PTPRN2: variants seen among roughly 807,000 people sequenced by gnomAD.
The protein encoded by PTPRN2 is protein tyrosine phosphatase receptor type N2, also known as receptor-type tyrosine-protein phosphatase N2.
Under a neutral mutation model 118.8 loss-of-function variants are expected in PTPRN2, and 74 were observed. The observed-to-expected ratio is 0.62, with a 90% CI of 0.52 to 0.76. PTPRN2 has a LOEUF of 0.76. PTPRN2 is among the 30% of genes least tolerant of loss of function. The pLI, the probability that PTPRN2 is intolerant of heterozygous loss-of-function variation, is 0.00. For missense variants in PTPRN2, 1,481 were observed against 1,394.4 expected, an observed-to-expected ratio of 1.06 and a Z score of -0.99; for synonymous variants, 641 against 608.0, an observed-to-expected ratio of 1.05 and a Z score of -0.80.
chr7:158,100,474 C>T (rs1257462421), intron 10 of PTPRN2, among the ~76,000 whole-genome samples: 2 of 152,316 alleles, frequency 1.3e-5, no homozygotes, highest in East Asian at 3.9e-4. Flanking sequence ...AAGGAATCTC[C>T]ACACTGTTTT....
intron 2 of PTPRN2, among the ~76,000 whole-genome samples, chr7:158,384,064 CCT>C (rs1811153088): frequency 6.6e-6 from 1 of 152,182 alleles, no homozygotes; most frequent in African/African-American, 2.4e-5. Context: ...TCCCGCGCAT[CCT>C]CTGTCTCATC....
chr7:158,344,067 G>C (rs990814985), intron 2 of PTPRN2, among the ~76,000 whole-genome samples: 1 of 152,090 alleles, frequency 6.6e-6, no homozygotes, highest in African/African-American at 2.4e-5. Context: ...ACCCCCATAC[G>C]AGAGTGTCAG....
At chr7:157,563,350 C>T (rs559090571) in intron 21 of PTPRN2, among the ~76,000 whole-genome samples, 7 of 83,834 alleles carry the variant, frequency 8.3e-5, no homozygotes, top group East Asian at 4.1e-4. Flanking sequence ...ATCAGGACCA[C>T]GTGCTCCCAC....
At chr7:158,520,865 C>A (rs545469903) in intron 1 of PTPRN2, among the ~76,000 whole-genome samples, 2 of 152,208 alleles carry the variant, frequency 1.3e-5, no homozygotes. Flanking sequence ...AGCCTCTTCA[C>A]TCTCATGAGG....
intron 9 of PTPRN2, among the ~76,000 whole-genome samples, chr7:158,126,459 C>A (rs563852213): frequency 2.6e-5 from 1 of 38,378 alleles, no homozygotes. Flanking sequence ...GGACAGCGGG[C>A]GGCGGAACTT....
At chr7:158,071,462 G>T (rs562847626) in intron 11 of PTPRN2, among the ~76,000 whole-genome samples, 1 of 136,998 alleles carries the variant, frequency 7.3e-6, no homozygotes, top group African/African-American at 2.9e-5. Context: ...TGGTTGAGGT[G>T]CTCGTGGTGG....
chr7:158,371,967 G>C (rs1424057003), intron 2 of PTPRN2, among the ~76,000 whole-genome samples: 1 of 152,204 alleles, frequency 6.6e-6, no homozygotes, highest in Non-Finnish European at 1.5e-5. Context: ...CGTGGCCCCG[G>C]GGATGAGGTT....
At chr7:157,682,380 T>C (rs1458663500) in intron 13 of PTPRN2, among the ~76,000 whole-genome samples, 1 of 152,206 alleles carries the variant, frequency 6.6e-6, no homozygotes, top group East Asian at 1.9e-4. Flanking sequence ...ACACGCCAAA[T>C]GATCTCGCAA....
At chr7:157,545,173 A>G (rs1798234486) in intron 22 of PTPRN2, among the ~76,000 whole-genome samples, 1 of 120,428 alleles carries the variant, frequency 8.3e-6, no homozygotes, top group Non-Finnish European at 1.7e-5. Context: ...TGTGTGGCTG[A>G]GTGGTGTTTG....
At chr7:158,208,262 C>G (rs1827315922) in intron 3 of PTPRN2, among the ~76,000 whole-genome samples, 1 of 152,028 alleles carries the variant, frequency 6.6e-6, no homozygotes, top group Non-Finnish European at 1.5e-5. Context: ...ACTTCTCGAA[C>G]CTAGAGAAAG....
intron 2 of PTPRN2, among the ~76,000 whole-genome samples, chr7:158,437,842 T>C (rs1816673588): frequency 6.6e-6 from 1 of 152,250 alleles, no homozygotes; most frequent in Non-Finnish European, 1.5e-5. Flanking sequence ...TGATTGCCTC[T>C]GTACCTACTT....
chr7:158,587,782 C>G lies in PTPRN2; in HGVS notation c.-113G>C, dbSNP rs866486994. On this transcript the variant is annotated 5_prime_UTR_variant, in exon 1 of 23. Transcript: ENST00000389418. ...CGCCGGCTCCTCCCGCCGCGCCTCT[C>G]GCGCTCTTGCGGCGACGCCGGGCCG... The G allele has an allele frequency of 4.9e-5, 48 of 983,236 alleles. No individual in the cohort carries two copies. The highest frequency in any genetic ancestry group is 6.0e-5 in the Admixed American group (1 of 16,784). The allele number at this position is 983,236 out of a possible 1,614,324, so 60.9% of individuals were successfully genotyped here. A position where few individuals can be genotyped will look rare whatever the true frequency, so the allele number is the denominator to read the frequency against.
chr7:157,778,297 G>A (rs1348931762), intron 12 of PTPRN2, among the ~76,000 whole-genome samples: 2 of 152,074 alleles, frequency 1.3e-5, no homozygotes, highest in Non-Finnish European at 2.9e-5. Flanking sequence ...GAATGCCCAC[G>A]TAAACATGTA....
At chr7:158,259,229 G>A (rs1259807819) in intron 3 of PTPRN2, among the ~76,000 whole-genome samples, 1 of 152,190 alleles carries the variant, frequency 6.6e-6, no homozygotes, top group African/African-American at 2.4e-5. Flanking sequence ...ATGGCAGTTT[G>A]ATAACCAACA....
chr7:157,614,140 G>T (rs1226754255), intron 15 of PTPRN2: 3 of 467,074 alleles, frequency 6.4e-6, no homozygotes, highest in Non-Finnish European at 1.3e-5. Context: ...GGAGGGGGAA[G>T]ACAGGGGAGG....
intron 12 of PTPRN2, among the ~76,000 whole-genome samples, chr7:157,702,075 C>G (rs1385365681): frequency 1.0e-4 from 15 of 149,540 alleles, no homozygotes; most frequent in South Asian, 4.4e-4. Context: ...GTGGGCTGTG[C>G]ATTTATAAGA....
chr7:158,137,988 C>T (rs903492182), intron 7 of PTPRN2, among the ~76,000 whole-genome samples: 4 of 152,160 alleles, frequency 2.6e-5, no homozygotes, highest in Non-Finnish European at 4.4e-5. Flanking sequence ...CAATATTCAC[C>T]GGTACACAGT....
intron 3 of PTPRN2, among the ~76,000 whole-genome samples, chr7:158,263,079 C>T (rs1586032368): frequency 6.8e-6 from 1 of 147,390 alleles, no homozygotes; most frequent in Non-Finnish European, 1.5e-5. Flanking sequence ...ACACATCACA[C>T]ACACCACACA....
At chr7:158,012,539 C>G (rs1806126245) in intron 11 of PTPRN2, among the ~76,000 whole-genome samples, 1 of 152,216 alleles carries the variant, frequency 6.6e-6, no homozygotes. Flanking sequence ...GAGGCATGGG[C>G]AGTGGCCCTG....
Sources: allele counts gnomAD v4.1 joint callset (sites outside exome capture counted in the v4.1 genomes callset), GRCh38; gene constraint gnomAD v4.1.1; transcripts MANE v1.5; gene names NCBI Gene and HGNC (gene_info 2026-07-23, HGNC 2026-07-21).